DOCK11: variants seen among roughly 807,000 people sequenced by gnomAD.
DOCK11 encodes dedicator of cytokinesis protein 11.
Under a neutral mutation model 169.1 loss-of-function variants are expected in DOCK11, and 70 were observed. The ratio of observed to expected loss-of-function variants is 0.41; its 90% CI spans 0.34 to 0.51. The LOEUF (loss-of-function observed/expected upper bound fraction) is 0.51, where lower values mean the gene tolerates loss of function less well. DOCK11 is among the 20% of genes least tolerant of loss of function. The pLI, the probability that DOCK11 is intolerant of heterozygous loss-of-function variation, is 0.10. For missense variants in DOCK11, 1,166 were observed against 1,538.8 expected (o/e 0.76, Z 4.05); for synonymous variants, 529 against 541.3 (o/e 0.98, Z 0.32).
chrX:118,624,470 A>C, intron 31 of DOCK11, 69 bp from the exon 32 acceptor site: 1 of 675,245 alleles, frequency 1.5e-6, no homozygotes, highest in Non-Finnish European at 2.3e-6. Context: ...TGATATATGA[A>C]GCCAACTCCA....
intron 6 of DOCK11, among the ~76,000 whole-genome samples, chrX:118,559,943 T>A (rs2012848914): frequency 1.8e-5 from 2 of 110,590 alleles, no homozygotes; most frequent in South Asian, 7.7e-4. Flanking sequence ...CTTTGCATAC[T>A]AATACAATAA....
At chrX:118,660,679 C>T (rs1216969432) in intron 44 of DOCK11, among the ~76,000 whole-genome samples, 4 of 109,171 alleles carry the variant, frequency 3.7e-5, no homozygotes, top group African/African-American at 1.3e-4. Flanking sequence ...ACCCTGTTAG[C>T]CAGGATGGTC....
At chrX:118,620,925 G>T (rs188211064) in intron 31 of DOCK11, among the ~76,000 whole-genome samples, 1 of 112,690 alleles carries the variant, frequency 8.9e-6, no homozygotes, top group East Asian at 2.8e-4. Flanking sequence ...ACATGAAAGA[G>T]AAAGAAAATT....
intron 6 of DOCK11, among the ~76,000 whole-genome samples, chrX:118,554,411 G>A (rs1028830136): frequency 2.7e-5 from 3 of 110,358 alleles, no homozygotes; most frequent in Non-Finnish European, 5.7e-5. Context: ...TTAGCCAGGC[G>A]TCGTGGTGTG....
chrX:118,676,592 C>CT lies in DOCK11; in HGVS notation c.5322dup (p.Glu1775Ter). 1.8e-6 allele frequency: 2 copies of CT among 1,117,924 alleles called. No individual in the cohort carries two copies. The highest frequency in any genetic ancestry group is 2.4e-6 in the Non-Finnish European group (2 of 836,603). 92.1% of individuals were successfully genotyped at this position (1,117,924 alleles called of 1,213,427 possible). Reference sequence around the variant, plus strand: ...ATTATTTGTTTAACTTTATAATAGTCTTTTTTTGAAGAAGAAGATGGAAAG... The same window carrying CT: ...ATTATTTGTTTAACTTTATAATAGTCTTTTTTTTGAAGAAGAAGATGGAAAG... On this transcript the variant is annotated frameshift_variant and splice_region_variant, in exon 48 of 53. Coordinates refer to ENST00000276202, the MANE Select transcript of DOCK11 (RefSeq NM_144658.4). LOFTEE classifies it high-confidence loss of function.
chrX:118,569,102 T>C (rs2013187647), intron 10 of DOCK11, among the ~76,000 whole-genome samples: 1 of 90,180 alleles, frequency 1.1e-5, no homozygotes, highest in Admixed American at 1.3e-4. Context: ...TTTTTTTTTT[T>C]TTTTTTTTTT....
chrX:118,663,462 C>T (rs1223167737), intron 45 of DOCK11, among the ~76,000 whole-genome samples: 1 of 110,911 alleles, frequency 9.0e-6, no homozygotes, highest in Non-Finnish European at 1.9e-5. Flanking sequence ...AATGAGGACA[C>T]CCTGAAGGCA....
intron 41 of DOCK11, 65 bp downstream of exon 41, chrX:118,649,192 T>C (rs1425442375): frequency 1.0e-6 from 1 of 974,676 alleles, no homozygotes; most frequent in Non-Finnish European, 1.4e-6. Context: ...TAGATCAAGA[T>C]CCAGAGCCAC....
At chrX:118,647,033 A>T (rs1184746627) in intron 40 of DOCK11, among the ~76,000 whole-genome samples, 1 of 110,793 alleles carries the variant, frequency 9.0e-6, no homozygotes, top group Non-Finnish European at 1.9e-5. Context: ...GACTGAATAC[A>T]TTCTTAAAGG....
At chrX:118,595,856 T>G (rs1232331348) in intron 20 of DOCK11, among the ~76,000 whole-genome samples, 1 of 111,269 alleles carries the variant, frequency 9.0e-6, no homozygotes. Flanking sequence ...AAATGTTGCC[T>G]AAGCAATCCC....
intron 1 of DOCK11, among the ~76,000 whole-genome samples, chrX:118,520,385 T>C (rs1278703223): frequency 8.9e-6 from 1 of 112,649 alleles, no homozygotes; most frequent in African/African-American, 3.2e-5. Context: ...TCCCTGCTTT[T>C]CTAACTGCCT....
chrX:118,646,364 AG>A lies in DOCK11; in HGVS notation c.4399-2579del, dbSNP rs770952318. 2.4e-4 allele frequency among the ~76,000 whole-genome samples: 27 copies of A among 111,382 alleles called. 1 individual carries two copies. Among genetic ancestry groups the A allele is most frequent in the African/African-American group, 8.8e-4 (27 of 30,665 alleles). ...AATAACAACAACAACAAAAAAAATC[AG>A]GAGCAGAACATTGGAGAGAAACAAC... On this transcript the variant is annotated intron_variant, in intron 40 of 52. Coordinates refer to ENST00000276202, the MANE Select transcript of DOCK11 (RefSeq NM_144658.4).
intron 1 of DOCK11, among the ~76,000 whole-genome samples, chrX:118,534,393 ATTG>A (rs1329670622): frequency 1.2e-3 from 133 of 112,187 alleles, no homozygotes; most frequent in African/African-American, 4.1e-3. Context: ...TTTGTTTCTT[ATTG>A]TTTTTAAAGT....
chrX:118,649,567 G>A (rs758255390), intron 41 of DOCK11, among the ~76,000 whole-genome samples: 29 of 111,659 alleles, frequency 2.6e-4, no homozygotes, highest in African/African-American at 9.1e-4. Context: ...CACCCAGGCT[G>A]GAGTGCTGTG....
intron 39 of DOCK11, among the ~76,000 whole-genome samples, chrX:118,642,630 A>G (rs1382086928): frequency 3.6e-5 from 4 of 111,744 alleles, no homozygotes; most frequent in Admixed American, 2.9e-4. Context: ...ATTGAGATCT[A>G]GGCCAGTTAT....
intron 23 of DOCK11, among the ~76,000 whole-genome samples, chrX:118,602,031 C>T (rs1270121399): frequency 9.4e-6 from 1 of 105,933 alleles, no homozygotes; most frequent in Non-Finnish European, 1.9e-5. Context: ...CTCAGGTGAT[C>T]CGCCCACCTG....
rs928692662 is a variant in DOCK11 at position 118,605,127 on chromosome X, C to T, written c.2563-111C>T. The T allele has an allele frequency of 3.1e-5, 15 of 476,241 alleles. No homozygotes were observed. The South Asian group carries it at 4.6e-4, about 15-fold the overall frequency. The allele number at this position is 476,241 out of a possible 1,213,427, so 39.2% of individuals were successfully genotyped here. A position where few individuals can be genotyped will look rare whatever the true frequency, so the allele number is the denominator to read the frequency against. On this transcript the variant is annotated intron_variant, in intron 23 of 52. Transcript: ENST00000276202. ...AATGGAAAGCTCACTTTTAATTGAG[C>T]TTATATGCTAGTCAATGTATTTCTC...
intron 6 of DOCK11, among the ~76,000 whole-genome samples, chrX:118,557,976 C>G (rs2012771444): frequency 1.1e-5 from 1 of 90,530 alleles, no homozygotes; most frequent in African/African-American, 4.0e-5. Flanking sequence ...CTGTGTGAAC[C>G]TTTTTTTTTT....
chrX:118,530,358 G>A (rs978371690), intron 1 of DOCK11, among the ~76,000 whole-genome samples: 2 of 112,794 alleles, frequency 1.8e-5, no homozygotes, highest in African/African-American at 3.2e-5. Flanking sequence ...TTCCATTAAC[G>A]TTGACCTTCT....
Sources: gnomAD v4.1 joint callset for allele counts (sites outside exome capture counted in the v4.1 genomes callset) on GRCh38, gnomAD v4.1.1 for gene constraint, MANE v1.5 for transcripts, NCBI Gene and HGNC (gene_info 2026-07-23, HGNC 2026-07-21) for gene names.